Variants in PCDHGB3 observed in about 807,000 individuals in gnomAD.
PCDHGB3 encodes protocadherin gamma subfamily B, 3.
PCDHGB3 carries 40 observed loss-of-function variants against 59.2 expected under a neutral mutation model. That is an observed-to-expected ratio of 0.68 (90% CI 0.52 to 0.88). The LOEUF is 0.88. Ranked by LOEUF, PCDHGB3 falls within the 40% of genes least tolerant of loss-of-function variation. The probability of loss-of-function intolerance (pLI) is 0.00; values close to 1 mark genes in which losing one functional copy is unlikely to be tolerated. For synonymous variants in PCDHGB3, 581 were observed against 503.6 expected, an observed-to-expected ratio of 1.15 and a Z score of -2.06; for missense variants, 1,309 against 1,187.9, an observed-to-expected ratio of 1.10 and a Z score of -1.50.
intron 1 of PCDHGB3, among the ~76,000 whole-genome samples, chr5:141,402,590 A>G (rs1379327637): frequency 6.6e-6 from 1 of 152,238 alleles, no homozygotes; most frequent in Admixed American, 6.5e-5. Flanking sequence ...TAAAAAATAG[A>G]TTGCTTTTGA....
chr5:141,416,747 T>A (rs920641906), intron 1 of PCDHGB3: 2 of 152,240 alleles, frequency 1.3e-5, no homozygotes, highest in African/African-American at 4.8e-5. Flanking sequence ...AATAGTGACG[T>A]ATTAGGTAGA....
intron 1 of PCDHGB3, among the ~76,000 whole-genome samples, chr5:141,386,717 A>G (rs2090680763): frequency 6.6e-6 from 1 of 152,214 alleles, no homozygotes; most frequent in South Asian, 2.1e-4. Flanking sequence ...TGCTGACACC[A>G]ACAATGTTAC....
At chr5:141,483,660 G>T (rs943362284) in intron 1 of PCDHGB3, among the ~76,000 whole-genome samples, 4 of 152,094 alleles carry the variant, frequency 2.6e-5, no homozygotes, top group Admixed American at 2.0e-4. Flanking sequence ...GTGTGTGTGT[G>T]TGTGTGTGTA....
chr5:141,482,069 G>A (rs892777397), intron 1 of PCDHGB3, among the ~76,000 whole-genome samples: 1 of 138,078 alleles, frequency 7.2e-6, no homozygotes, highest in Non-Finnish European at 1.5e-5. Context: ...TGGGCAACAA[G>A]AACAAAACTC....
At chr5:141,423,572 G>A (rs1239529114) in intron 1 of PCDHGB3, 1 of 1,613,510 alleles carries the variant, frequency 6.2e-7, no homozygotes, top group Admixed American at 1.7e-5. Flanking sequence ...ACGCTCATCA[G>A]CCAGGAGAGC....
intron 1 of PCDHGB3, among the ~76,000 whole-genome samples, chr5:141,434,881 A>C (rs1221252749): frequency 6.6e-6 from 1 of 151,958 alleles, no homozygotes; most frequent in Non-Finnish European, 1.5e-5. Context: ...AGATACCAAC[A>C]ACAATCCAGT....
chr5:141,375,944 C>G (rs1365248346), intron 1 of PCDHGB3: 6 of 1,613,500 alleles, frequency 3.7e-6, no homozygotes, highest in Non-Finnish European at 5.1e-6. Flanking sequence ...CTCAGTGGGC[C>G]TGCACACGGG....
In PCDHGB3 at chr5:141,371,658, A is replaced by G. The variant is rs764550191; in HGVS notation, c.1264A>G (p.Ile422Val). 1.9e-6 allele frequency: 3 copies of G among 1,614,038 alleles called. No homozygotes were observed. The highest frequency in any genetic ancestry group is 1.7e-6 in the Non-Finnish European group (2 of 1,179,898). Residue 422 changes from isoleucine (I) to valine (V), a missense_variant, in exon 1 of 4, where the codon ATC becomes GTC. Physicochemically the swap from Ile to Val is conservative, Grantham distance 29. Transcript: ENST00000576222. ...GCAGATCCCAGAATACAATGTGACG[A>G]TCACAGCTACCGACAAAGGCAATCC... ...REQIPEYNVT[I>V]TATDKGNPPL...
chr5:141,507,716 C>T (rs567867232), intron 3 of PCDHGB3, among the ~76,000 whole-genome samples: 1 of 152,372 alleles, frequency 6.6e-6, no homozygotes, highest in South Asian at 2.1e-4. Flanking sequence ...CCCAAACCCT[C>T]CAAGCAAGTC....
chr5:141,448,983 T>G (rs1157371020), intron 1 of PCDHGB3, among the ~76,000 whole-genome samples: 1 of 152,004 alleles, frequency 6.6e-6, no homozygotes, highest in East Asian at 1.9e-4. Flanking sequence ...ACTTCCATAT[T>G]AATATATAGA....
At chr5:141,481,913 C>CAAA (rs34114744) in intron 1 of PCDHGB3, among the ~76,000 whole-genome samples, 3 of 90,796 alleles carry the variant, frequency 3.3e-5, no homozygotes, top group Non-Finnish European at 4.4e-5. Flanking sequence ...AACTCCATCT[C>CAAA]AAAAAAAAAA....
At position 141,490,753 on chromosome 5, in the gene PCDHGB3, T is replaced by C; in HGVS notation, c.2416-4054T>C. ...TCAGGTTCAGGGAGCCCCAGCCTCC[T>C]CCTTTGTGTATGTCAACCCAGAGGA... On this transcript the variant is annotated intron_variant, in intron 1 of 3. Transcript: ENST00000576222. This position sits in a 1 kb window ranked among gnomAD's most constrained non-coding sequence, Gnocchi z 5.4. 1 of 1,614,184 alleles carries C rather than the reference T, an allele frequency of 6.2e-7. No individual in the cohort carries two copies. The highest frequency in any genetic ancestry group is 8.5e-7 in the Non-Finnish European group (1 of 1,180,024).
chr5:141,404,764 C>A lies in PCDHGB3; in HGVS notation c.2415+31955C>A, dbSNP rs371618979. 152 of 1,613,920 alleles carry A rather than the reference C, an allele frequency of 9.4e-5. 1 individual carries two copies. In the African/African-American group the frequency reaches 1.6e-3, roughly 17 times the overall value. ...GAGACTCAGGCCAGAATGCTTGGCT[C>A]TCCTACCGCCTATTCAAGGCCAGTG... On this transcript the variant is annotated intron_variant, in intron 1 of 3. Coordinates refer to ENST00000576222, the MANE Select transcript of PCDHGB3 (RefSeq NM_018924.5).
rs145897132 is a variant in PCDHGB3, at chr5:141,395,374, T to C, written c.2415+22565T>C. The stretch of plus-strand genomic sequence containing the variant: ...CAGAGTTTTGGGTTTATTTTGGTGG[T>C]GTTACTATAAAATTGAACTCTAATA... On this transcript the variant is annotated intron_variant, in intron 1 of 3. Coordinates refer to ENST00000576222, the MANE Select transcript of PCDHGB3 (RefSeq NM_018924.5). 327 of 1,187,896 alleles carry C rather than the reference T, an allele frequency of 2.8e-4. 1 individual carries two copies. The African/African-American group carries it at 4.3e-3, about 16-fold the overall frequency. The allele number at this position is 1,187,896 out of a possible 1,614,324, so 73.6% of individuals were successfully genotyped here.
rs748803155 is a variant in PCDHGB3, at chr5:141,490,087, G to C, written c.2416-4720G>C. ...CGGCCAACTAGACTATTCTTTTGGAGACCACACATCTGAGGCAGTGCGGAA... is the reference window on the plus strand; with the variant it reads ...CGGCCAACTAGACTATTCTTTTGGACACCACACATCTGAGGCAGTGCGGAA... On this transcript the variant is annotated intron_variant, in intron 1 of 3. Transcript: ENST00000576222. The surrounding 1 kb of genome is among the most constrained non-coding windows in gnomAD (Gnocchi z 5.4). 1.9e-6 allele frequency: 3 copies of C among 1,614,244 alleles called. No individual in the cohort carries two copies. Among genetic ancestry groups the C allele is most frequent in the Non-Finnish European group, 2.5e-6 (3 of 1,180,044 alleles).
intron 1 of PCDHGB3, chr5:141,430,735 A>T (rs1255723102): frequency 6.7e-7 from 1 of 1,497,964 alleles, no homozygotes; most frequent in Non-Finnish European, 8.9e-7. Context: ...GGCAGAATTG[A>T]AAATAATTCT....
At chr5:141,455,389 G>C (rs1190144149) in intron 1 of PCDHGB3, among the ~76,000 whole-genome samples, 1 of 152,114 alleles carries the variant, frequency 6.6e-6, no homozygotes, top group Non-Finnish European at 1.5e-5. Flanking sequence ...GAAGGAAGGA[G>C]CTCCCCCTTA....
intron 1 of PCDHGB3, chr5:141,383,993 T>C: frequency 2.5e-6 from 4 of 1,613,872 alleles, no homozygotes; most frequent in Non-Finnish European, 3.4e-6. Context: ...CTTGGGACAG[T>C]CATTGCTCTT....
intron 1 of PCDHGB3, chr5:141,410,112 C>T (rs775292594): frequency 1.9e-6 from 3 of 1,612,566 alleles, no homozygotes; most frequent in East Asian, 4.5e-5. Context: ...GACAGGGACG[C>T]AGCCCGCCAG....
Sources: gnomAD v4.1 joint callset for allele counts (sites outside exome capture counted in the v4.1 genomes callset) on GRCh38, gnomAD v4.1.1 for gene constraint, Gnocchi (gnomAD v3.1) non-coding constraint, MANE v1.5 for transcripts, NCBI Gene and HGNC (gene_info 2026-07-23, HGNC 2026-07-21) for gene names.